Variants in ITGB8 observed in about 807,000 individuals in gnomAD.
ITGB8 encodes the protein integrin subunit beta 8.
A neutral mutation model predicts 89.5 loss-of-function variants in ITGB8; 30 were observed. The observed-to-expected ratio is 0.34, with a 90% CI of 0.25 to 0.45. The LOEUF (loss-of-function observed/expected upper bound fraction) is 0.45, where lower values mean the gene tolerates loss of function less well. Ranked by LOEUF, ITGB8 falls within the 20% of genes least tolerant of loss-of-function variation. ITGB8 has a pLI of 1.00. For synonymous variants in ITGB8, 335 were observed against 320.4 expected, an observed-to-expected ratio of 1.05 and a Z score of -0.49; for missense variants, 836 against 933.3, an observed-to-expected ratio of 0.90 and a Z score of 1.36.
At position 20,381,823 on chromosome 7, in the gene ITGB8, G is replaced by C; in HGVS notation, c.898G>C (p.Val300Leu). The C allele has an allele frequency of 6.2e-7, 1 of 1,614,068 alleles. No individual in the cohort carries two copies. Among genetic ancestry groups the C allele is most frequent in the Non-Finnish European group, 8.5e-7 (1 of 1,179,940 alleles). The change falls in exon 6 of 14, where the codon GTG becomes CTG. Residue 300 changes from valine to leucine, a missense_variant. By Grantham distance (32) the Val-to-Leu change is conservative. Transcript: ENST00000222573. ...TCTTGATAGCAAATTGGCAGGCATAGTGGTGCCCAATGACGGAAACTGTCA... is the reference window on the plus strand; with the variant it reads ...TCTTGATAGCAAATTGGCAGGCATACTGGTGCCCAATGACGGAAACTGTCA... ...LALDSKLAGIVVPNDGNCHLK... is the reference protein window; with the variant it reads ...LALDSKLAGILVPNDGNCHLK...
chr7:20,349,248 G>C (rs1401641382), intron 1 of ITGB8, among the ~76,000 whole-genome samples: 1 of 151,890 alleles, frequency 6.6e-6, no homozygotes, highest in African/African-American at 2.4e-5. Flanking sequence ...GGATAGAAGA[G>C]GATTTACTTT....
At chr7:20,332,907 T>C (rs909692950) in intron 1 of ITGB8, among the ~76,000 whole-genome samples, 30 of 150,768 alleles carry the variant, frequency 2.0e-4, no homozygotes, top group Admixed American at 9.3e-4. Flanking sequence ...GCTAATGCAG[T>C]GACTCTTGTC....
At chr7:20,402,204 A>T in intron 10 of ITGB8, 78 bp downstream of exon 10, 4 of 1,251,004 alleles carry the variant, frequency 3.2e-6, no homozygotes, top group African/African-American at 3.0e-5. Flanking sequence ...TTTAAATCAC[A>T]TGTTTATAAA....
At chr7:20,369,282 G>C (rs1397318545) in intron 3 of ITGB8, among the ~76,000 whole-genome samples, 1 of 152,130 alleles carries the variant, frequency 6.6e-6, no homozygotes, top group African/African-American at 2.4e-5. Context: ...CTATAACAAA[G>C]TACGTTGATT....
rs557253863 is a variant in ITGB8, at chr7:20,342,109, G to C, written c.127+10176G>C. 1.1e-3 allele frequency among the ~76,000 whole-genome samples: 171 copies of C among 152,240 alleles called. No individual in the cohort carries two copies. The Middle Eastern group carries it at 0.014, about 12-fold the overall frequency. On this transcript the variant is annotated intron_variant, in intron 1 of 13. Coordinates refer to ENST00000222573, the MANE Select transcript of ITGB8 (RefSeq NM_002214.3). ...GAAAAAAAGCCCACATGCAGAACCA[G>C]AGTATTCTTGGCCCTTTGAACAAAC...
At chr7:20,397,336 C>T (rs1022765143) in intron 8 of ITGB8, among the ~76,000 whole-genome samples, 1 of 152,034 alleles carries the variant, frequency 6.6e-6, no homozygotes, top group Non-Finnish European at 1.5e-5. Context: ...AAGTGATTGT[C>T]CTGCCTCAAG....
At chr7:20,357,659 T>C (rs1308470843) in intron 1 of ITGB8, among the ~76,000 whole-genome samples, 1 of 152,198 alleles carries the variant, frequency 6.6e-6, no homozygotes, top group Non-Finnish European at 1.5e-5. Flanking sequence ...TTGATATGGT[T>C]ATAGTTAGCC....
rs569109479 is a variant in ITGB8 at position 20,374,930 on chromosome 7, C to T, written c.389-4121C>T. Among the ~76,000 whole-genome samples the T allele has an allele frequency of 1.1e-3, 163 of 151,824 alleles. 1 individual carries two copies. The highest frequency in any genetic ancestry group is 3.7e-3 in the African/African-American group (155 of 41,364). ...AGATAATGATGGCTGGAAAATGAGA[C>T]GATAGAGGTAGACATATGAAGAGGT... On this transcript the variant is annotated intron_variant, in intron 3 of 13. Coordinates refer to ENST00000222573, the MANE Select transcript of ITGB8 (RefSeq NM_002214.3).
At chr7:20,338,877 T>C (rs1378116056) in intron 1 of ITGB8, among the ~76,000 whole-genome samples, 1 of 152,146 alleles carries the variant, frequency 6.6e-6, no homozygotes, top group Non-Finnish European at 1.5e-5. Flanking sequence ...TAGTTTTACT[T>C]ATTTCCCTCT....
chr7:20,377,226 C>T (rs1786188807), intron 3 of ITGB8: 1 of 152,166 alleles, frequency 6.6e-6, no homozygotes. Context: ...CCTCTGAAAA[C>T]AGCCATTTAT....
intron 1 of ITGB8, among the ~76,000 whole-genome samples, chr7:20,333,105 A>G (rs375202000): frequency 1.3e-5 from 2 of 152,126 alleles, no homozygotes; most frequent in African/African-American, 2.4e-5. Context: ...AAGCTAATTA[A>G]AACAGTCAAA....
At chr7:20,342,735 C>G (rs557277061) in intron 1 of ITGB8, among the ~76,000 whole-genome samples, 1 of 151,716 alleles carries the variant, frequency 6.6e-6, no homozygotes, top group African/African-American at 2.4e-5. Flanking sequence ...GGAATCTGGG[C>G]ACTTTAGGTT....
At chr7:20,332,439 T>C (rs1239757920) in intron 1 of ITGB8, among the ~76,000 whole-genome samples, 1 of 152,084 alleles carries the variant, frequency 6.6e-6, no homozygotes, top group Non-Finnish European at 1.5e-5. Context: ...TCAATCTGAA[T>C]GAATTACCCA....
At chr7:20,348,584 C>T (rs1264264867) in intron 1 of ITGB8, among the ~76,000 whole-genome samples, 1 of 152,308 alleles carries the variant, frequency 6.6e-6, no homozygotes, top group African/African-American at 2.4e-5. Context: ...CTCCTGGCCC[C>T]AGAGATTCCT....
At chr7:20,347,880 T>A (rs1250112888) in intron 1 of ITGB8, among the ~76,000 whole-genome samples, 2 of 151,840 alleles carry the variant, frequency 1.3e-5, no homozygotes, top group Non-Finnish European at 2.9e-5. Context: ...ACAAGGGGAG[T>A]TGCTTGAGAA....
At chr7:20,338,967 G>T (rs1444126384) in intron 1 of ITGB8, among the ~76,000 whole-genome samples, 2 of 152,110 alleles carry the variant, frequency 1.3e-5, no homozygotes, top group African/African-American at 4.8e-5. Flanking sequence ...GCAGAGGTGG[G>T]TGGATCACGA....
rs897039187 is a variant in ITGB8 at position 20,331,300 on chromosome 7, T to C, written c.-507T>C. ...GCGCTGATTGATGCGCCACAGACTT[T>C]TTTCCCCTCGACCTCGCCGGCGTCC... On this transcript the variant is annotated 5_prime_UTR_variant, in exon 1 of 14. Transcript: ENST00000222573. 7 of 365,146 alleles carry C rather than the reference T, an allele frequency of 1.9e-5. No individual in the cohort carries two copies. The highest frequency in any genetic ancestry group is 2.1e-5 in the African/African-American group (1 of 47,890). The allele number at this position is 365,146 out of a possible 1,614,324, so 22.6% of individuals were successfully genotyped here.
chr7:20,365,469 G>A (rs140071057), intron 2 of ITGB8: 2 of 152,208 alleles, frequency 1.3e-5, no homozygotes, highest in Non-Finnish European at 2.9e-5. Flanking sequence ...TAATCACTTT[G>A]AACCTCAGAT....
intron 1 of ITGB8, among the ~76,000 whole-genome samples, chr7:20,335,695 T>C (rs1356167419): frequency 6.6e-6 from 1 of 152,246 alleles, no homozygotes; most frequent in African/African-American, 2.4e-5. Context: ...TTTGAATCCA[T>C]TGTGAGCAGG....
Sources: allele counts gnomAD v4.1 joint callset (sites outside exome capture counted in the v4.1 genomes callset), GRCh38; gene constraint gnomAD v4.1.1; transcripts MANE v1.5; gene names NCBI Gene and HGNC (gene_info 2026-07-23, HGNC 2026-07-21).